Variants in COL4A5 observed in about 807,000 individuals in gnomAD.
COL4A5 encodes collagen alpha-5(IV) chain.
COL4A5 carries 26 observed loss-of-function variants against 130.2 expected under a neutral mutation model. The ratio of observed to expected loss-of-function variants is 0.20; its 90% CI spans 0.15 to 0.28. The LOEUF (loss-of-function observed/expected upper bound fraction) is 0.28, where lower values mean the gene tolerates loss of function less well. Among genes scored for constraint, COL4A5 ranks in the 10% least tolerant of loss-of-function variants. The pLI is 1.00. For synonymous variants in COL4A5, 496 were observed against 439.6 expected, an observed-to-expected ratio of 1.13 and a Z score of -1.60; for missense variants, 1,131 against 1,344.3, an observed-to-expected ratio of 0.84 and a Z score of 2.48.
chrX:108,579,305 G>A (rs2066205843), intron 13 of COL4A5, among the ~76,000 whole-genome samples: 2 of 112,180 alleles, frequency 1.8e-5, no homozygotes, highest in Non-Finnish European at 3.8e-5. Flanking sequence ...CTTTTACTTA[G>A]CATAGTGTTT....
intron 2 of COL4A5, among the ~76,000 whole-genome samples, chrX:108,548,001 G>A (rs186480193): frequency 5.4e-5 from 6 of 111,927 alleles, no homozygotes; most frequent in East Asian, 2.9e-4. Context: ...TCCAGGTGCC[G>A]TTTGTCCCCT....
intron 50 of COL4A5, 75 bp from the exon 51 acceptor site, chrX:108,694,732 T>G (rs767348411): frequency 2.4e-5 from 19 of 793,054 alleles, no homozygotes; most frequent in Non-Finnish European, 3.7e-5. Flanking sequence ...CTAAGAAGGC[T>G]TCCAATGAAG....
chrX:108,473,633 A>ATATTTTTTTTTTTT, intron 1 of COL4A5, among the ~76,000 whole-genome samples: 8 of 34,562 alleles, frequency 2.3e-4, no homozygotes, highest in African/African-American at 8.6e-4. Context: ...ATATATATAT[A>ATATTTTTTTTTTTT]TTTTTTTTTT....
At position 108,614,941 on chromosome X, in the gene COL4A5, C is replaced by T. The variant is rs771340366; in HGVS notation, c.2426C>T (p.Pro809Leu). 2.8e-5 allele frequency: 34 copies of T among 1,208,457 alleles called. No homozygotes were observed. The highest frequency in any genetic ancestry group is 3.6e-5 in the Non-Finnish European group (32 of 894,151). The change falls in exon 30 of 53, where the codon CCA (proline) becomes CTA (leucine). Residue 809 changes from proline to leucine, a missense_variant. Pro to Leu is a moderately conservative substitution (Grantham distance 98, BLOSUM62 -3). Coordinates refer to ENST00000328300, the MANE Select transcript of COL4A5 (RefSeq NM_033380.3). ...GDVGPNGQPGPMGPPGLPGIG... is the reference protein window; with the variant it reads ...GDVGPNGQPGLMGPPGLPGIG... ...GTTGGACCAAATGGACAACCTGGAC[C>T]AATGGGACCTCCTGGGCTGCCAGGA...
chrX:108,636,211 A>G (rs2067352308), intron 36 of COL4A5, among the ~76,000 whole-genome samples: 1 of 112,099 alleles, frequency 8.9e-6, no homozygotes, highest in South Asian at 3.7e-4. Flanking sequence ...CATACTGTAT[A>G]CAAATATTAA....
At chrX:108,641,413 C>T (rs1041209852) in intron 36 of COL4A5, among the ~76,000 whole-genome samples, 3 of 111,570 alleles carry the variant, frequency 2.7e-5, no homozygotes, top group African/African-American at 3.3e-5. Context: ...AGCTCCAACT[C>T]GGACAGACAG....
Position 108,501,834 on chromosome X carries a change from C to CT in COL4A5, c.82-37904dup, listed in dbSNP as rs1398983816. Among the ~76,000 whole-genome samples, 3 of 111,700 alleles carry CT rather than the reference C, an allele frequency of 2.7e-5. No individual in the cohort carries two copies. The East Asian group carries it at 8.4e-4, about 31-fold the overall frequency. On this transcript the variant is annotated intron_variant, in intron 1 of 52. Transcript: ENST00000328300. ...ATGGAAAGCACTACAGTTATTGACT[C>CT]TTTTTTTTGGTCATCCAAGTTTCAT...
At chrX:108,538,848 C>A (rs956325989) in intron 1 of COL4A5, among the ~76,000 whole-genome samples, 4 of 111,743 alleles carry the variant, frequency 3.6e-5, no homozygotes, top group Non-Finnish European at 7.5e-5. Context: ...ATACTGTATT[C>A]TTTTCCTCTA....
intron 1 of COL4A5, among the ~76,000 whole-genome samples, chrX:108,458,553 G>T (rs1025257880): frequency 9.0e-6 from 1 of 111,381 alleles, no homozygotes; most frequent in Non-Finnish European, 1.9e-5. Context: ...AGTTACCTTG[G>T]CAATTTGTAC....
chrX:108,532,545 T>G (rs2147637348), intron 1 of COL4A5, among the ~76,000 whole-genome samples: 1 of 111,400 alleles, frequency 9.0e-6, no homozygotes, highest in East Asian at 2.8e-4. Context: ...CTTTCACCAC[T>G]CCTATTCAAC....
chrX:108,472,626 T>C (rs1018278195), intron 1 of COL4A5, among the ~76,000 whole-genome samples: 4 of 111,849 alleles, frequency 3.6e-5, no homozygotes, highest in African/African-American at 6.5e-5. Context: ...TGGATATTAT[T>C]ATAATCAGCC....
intron 1 of COL4A5, among the ~76,000 whole-genome samples, chrX:108,451,857 C>G (rs2064518338): frequency 9.0e-6 from 1 of 111,441 alleles, no homozygotes; most frequent in South Asian, 3.8e-4. Context: ...TAATTAGATC[C>G]CATTTGTCAA....
At chrX:108,615,558 A>G (rs537335097) in intron 30 of COL4A5, among the ~76,000 whole-genome samples, 2 of 111,250 alleles carry the variant, frequency 1.8e-5, no homozygotes, top group Non-Finnish European at 3.8e-5. Flanking sequence ...TTTACTTTTA[A>G]TATTTTATAT....
intron 2 of COL4A5, among the ~76,000 whole-genome samples, chrX:108,540,442 A>G (rs146969123): frequency 9.0e-6 from 1 of 111,508 alleles, no homozygotes; most frequent in Non-Finnish European, 1.9e-5. Flanking sequence ...AATAGATGAA[A>G]GTCTTTTTTT....
At chrX:108,572,593 T>C (rs1385334708) in intron 8 of COL4A5, among the ~76,000 whole-genome samples, 1 of 111,623 alleles carries the variant, frequency 9.0e-6, no homozygotes, top group African/African-American at 3.3e-5. Context: ...CACCTTAAAT[T>C]CATCCACTTT....
intron 1 of COL4A5, among the ~76,000 whole-genome samples, chrX:108,460,656 ATTTTTTT>A (rs751991149): frequency 1.3e-4 from 5 of 39,453 alleles, no homozygotes; most frequent in South Asian, 2.0e-3. Context: ...CGCCTGGCAA[ATTTTTTT>A]TTTTTTTTTT....
intron 1 of COL4A5, among the ~76,000 whole-genome samples, chrX:108,530,575 C>T (rs1345049009): frequency 2.0e-5 from 2 of 101,171 alleles, no homozygotes; most frequent in Non-Finnish European, 4.0e-5. Flanking sequence ...CAAAAGAAGA[C>T]ATTTATGCAG....
rs190736880 is a variant in COL4A5, at chrX:108,449,031, C to T, written c.81+8825C>T. Among the ~76,000 whole-genome samples the T allele has an allele frequency of 2.4e-4, 27 of 111,910 alleles. No homozygotes were observed. The Admixed American group carries it at 2.5e-3, about 10-fold the overall frequency. On this transcript the variant is annotated intron_variant, in intron 1 of 52. Coordinates refer to ENST00000328300, the MANE Select transcript of COL4A5 (RefSeq NM_033380.3). ...AATGGAAACTTTCTAAGGAGTCCCA[C>T]AGCACCACCCTGAAAACACCTCTTA...
chrX:108,536,226 A>G (rs1031399164), intron 1 of COL4A5, among the ~76,000 whole-genome samples: 22 of 110,028 alleles, frequency 2.0e-4, no homozygotes, highest in African/African-American at 7.3e-4. Context: ...TTGTTTTCAC[A>G]TCTATTTGAC....
Sources: gnomAD v4.1 joint callset for allele counts (sites outside exome capture counted in the v4.1 genomes callset) on GRCh38, gnomAD v4.1.1 for gene constraint, MANE v1.5 for transcripts, NCBI Gene and HGNC (gene_info 2026-07-23, HGNC 2026-07-21) for gene names.